PALM2AKAP2: variants seen among roughly 807,000 people sequenced by gnomAD.
PALM2AKAP2 encodes PALM2-AKAP2 fusion protein.
PALM2AKAP2 carries 37 observed loss-of-function variants against 71.5 expected under a neutral mutation model. That is an observed-to-expected ratio of 0.52 (90% CI 0.40 to 0.68). PALM2AKAP2 has a LOEUF of 0.68. Ranked by LOEUF, PALM2AKAP2 falls within the 30% of genes least tolerant of loss-of-function variation. The pLI is 0.00. For synonymous variants in PALM2AKAP2, 468 were observed against 478.8 expected, an observed-to-expected ratio of 0.98 and a Z score of 0.29; for missense variants, 1,224 against 1,191.8, an observed-to-expected ratio of 1.03 and a Z score of -0.40.
intron 1 of PALM2AKAP2, among the ~76,000 whole-genome samples, chr9:110,057,389 G>GT (rs563181651): frequency 0.012 from 1,544 of 129,808 alleles, 42 homozygotes; most frequent in East Asian, 0.082. Context: ...TTGTTTTTTT[G>GT]TTTTTTTTTT....
chr9:110,082,495 C>T (rs978014335), intron 1 of PALM2AKAP2, among the ~76,000 whole-genome samples: 1 of 152,120 alleles, frequency 6.6e-6, no homozygotes, highest in Admixed American at 6.5e-5. Flanking sequence ...GTGTCAGAAC[C>T]CTTTGTAATA....
chr9:110,098,875 C>G (rs1208523173), intron 1 of PALM2AKAP2, among the ~76,000 whole-genome samples: 1 of 152,206 alleles, frequency 6.6e-6, no homozygotes, highest in African/African-American at 2.4e-5. Context: ...TCACAAATAA[C>G]CTATATAAAT....
At chr9:109,825,421 C>T (rs1828120589) in intron 1 of PALM2AKAP2, among the ~76,000 whole-genome samples, 1 of 152,198 alleles carries the variant, frequency 6.6e-6, no homozygotes, top group African/African-American at 2.4e-5. Flanking sequence ...TCAGAGTGAA[C>T]AGGCAGCTTA....
intron 1 of PALM2AKAP2, among the ~76,000 whole-genome samples, chr9:110,104,546 A>G (rs1421068178): frequency 6.6e-6 from 1 of 152,222 alleles, no homozygotes; most frequent in Non-Finnish European, 1.5e-5. Flanking sequence ...TTAGTTTATC[A>G]GCTTCACTGG....
intron 1 of PALM2AKAP2, among the ~76,000 whole-genome samples, chr9:109,661,502 T>A (rs1363974617): frequency 6.6e-6 from 1 of 152,182 alleles, no homozygotes; most frequent in African/African-American, 2.4e-5. Flanking sequence ...CTGAGGCCTC[T>A]GTTCTTTTAC....
intron 6 of PALM2AKAP2, among the ~76,000 whole-genome samples, chr9:109,958,378 A>T (rs1463063257): frequency 6.6e-6 from 1 of 152,212 alleles, no homozygotes; most frequent in African/African-American, 2.4e-5. Flanking sequence ...TGACAGAAGC[A>T]GCATTCTTGA....
At position 109,769,500 on chromosome 9, in the gene PALM2AKAP2, C is replaced by T. The variant is rs140815301; in HGVS notation, c.6-10988C>T. 2.4e-3 allele frequency among the ~76,000 whole-genome samples: 371 copies of T among 152,204 alleles called. 3 individuals carry two copies. Among genetic ancestry groups the T allele is most frequent in the African/African-American group, 8.4e-3 (349 of 41,532 alleles). ...CAACCTAACAGTGTCTTTAAATCAG[C>T]GACAGACTGTTTTCCTTGGAAGCCA... On this transcript the variant is annotated intron_variant, in intron 1 of 6. Coordinates refer to the PALM2AKAP2 transcript ENST00000374531.
chr9:110,129,873 A>G (rs890597128), intron 1 of PALM2AKAP2, among the ~76,000 whole-genome samples: 2 of 152,218 alleles, frequency 1.3e-5, no homozygotes, highest in African/African-American at 2.4e-5. Context: ...TTTTAAGGAC[A>G]TTTTGTGAAA....
chr9:109,931,150 G>A (rs962905116), intron 5 of PALM2AKAP2, among the ~76,000 whole-genome samples: 19 of 152,104 alleles, frequency 1.2e-4, no homozygotes, highest in African/African-American at 4.3e-4. Context: ...CTTACCTCAG[G>A]GGTTTCCTCC....
chr9:110,011,014 A>AAAAAAAAAAT (rs35212981), intron 6 of PALM2AKAP2, among the ~76,000 whole-genome samples: 8 of 69,592 alleles, frequency 1.1e-4, no homozygotes, highest in South Asian at 4.7e-4. Flanking sequence ...AAAAAAAAAA[A>AAAAAAAAAAT]ATATATATAT....
intron 6 of PALM2AKAP2, among the ~76,000 whole-genome samples, chr9:109,987,786 A>T (rs907588166): frequency 2.6e-5 from 4 of 152,232 alleles, no homozygotes; most frequent in Non-Finnish European, 4.4e-5. Context: ...GTTGTGAAGG[A>T]TGTCCTCATG....
intron 1 of PALM2AKAP2, among the ~76,000 whole-genome samples, chr9:110,085,834 A>C (rs1182017401): frequency 6.6e-6 from 1 of 152,076 alleles, no homozygotes; most frequent in Non-Finnish European, 1.5e-5. Flanking sequence ...AGCCCATGCG[A>C]AGTGGCTCAC....
intron 1 of PALM2AKAP2, among the ~76,000 whole-genome samples, chr9:109,828,615 A>C (rs1333412064): frequency 6.6e-6 from 1 of 152,222 alleles, no homozygotes; most frequent in Admixed American, 6.5e-5. Flanking sequence ...CAATAATTCT[A>C]TTGGGGTAGA....
exon 2 of PALM2AKAP2, chr9:110,137,927 G>A: frequency 1.2e-6 from 2 of 1,614,170 alleles, no homozygotes; most frequent in African/African-American, 2.7e-5. Context: ...GTTGGTTGAT[G>A]ACCCCTTGGA....
In PALM2AKAP2 at chr9:110,111,160, C is replaced by T. The variant is rs1387197229; in HGVS notation, c.157-24967C>T. 2.5e-5 allele frequency among the ~76,000 whole-genome samples: 3 copies of T among 122,420 alleles called. No homozygotes were observed. The East Asian group carries it at 8.4e-4, about 34-fold the overall frequency. 80.3% of individuals were successfully genotyped at this position (122,420 alleles called of 152,430 possible). A position where few individuals can be genotyped will look rare whatever the true frequency, so the allele number is the denominator to read the frequency against. On this transcript the variant is annotated intron_variant, in intron 1 of 3. Transcript: ENST00000374525. ...AGGCTGGAGTACAGTGGCAAGATTA[C>T]GGCTCACTGCAGTCTCAATGGCTCA...
At chr9:109,645,418 G>A (rs1439342051) in intron 1 of PALM2AKAP2, among the ~76,000 whole-genome samples, 1 of 152,096 alleles carries the variant, frequency 6.6e-6, no homozygotes, top group Non-Finnish European at 1.5e-5. Context: ...CGAGATTTGG[G>A]TGGGGACACA....
At chr9:110,035,914 A>T (rs1433404643) in intron 7 of PALM2AKAP2, among the ~76,000 whole-genome samples, 2 of 149,646 alleles carry the variant, frequency 1.3e-5, no homozygotes, top group African/African-American at 4.9e-5. Context: ...CATATATATG[A>T]TATATATATT....
chr9:109,725,785 C>T (rs1828466450), intron 1 of PALM2AKAP2, among the ~76,000 whole-genome samples: 1 of 152,028 alleles, frequency 6.6e-6, no homozygotes, highest in South Asian at 2.1e-4. Flanking sequence ...CATGTAACTC[C>T]AAAAAAAGTC....
chr9:109,685,068 C>T (rs1250056857), intron 1 of PALM2AKAP2, among the ~76,000 whole-genome samples: 1 of 152,114 alleles, frequency 6.6e-6, no homozygotes, highest in Non-Finnish European at 1.5e-5. Context: ...TCTATATGAT[C>T]CATTTATGTG....
Sources: allele counts gnomAD v4.1 joint callset (sites outside exome capture counted in the v4.1 genomes callset), GRCh38; gene constraint gnomAD v4.1.1; transcripts MANE v1.5; gene names NCBI Gene and HGNC (gene_info 2026-07-23, HGNC 2026-07-21).